The following SAMD12 variants were observed in gnomAD, a reference collection of about 807,000 sequenced individuals.
SAMD12 encodes sterile alpha motif domain containing 12.
Under a neutral mutation model 15.0 loss-of-function variants are expected in SAMD12, and 9 were observed. The ratio of observed to expected loss-of-function variants is 0.60; its 90% CI spans 0.36 to 1.05. The LOEUF is 1.05. SAMD12 is among the 50% of genes least tolerant of loss of function. The pLI is 0.01. For synonymous variants in SAMD12, 86 were observed against 90.1 expected, an observed-to-expected ratio of 0.96 and a Z score of 0.25; for missense variants, 230 against 234.2, an observed-to-expected ratio of 0.98 and a Z score of 0.12.
At chr8:118,371,831 T>C (rs1477794463) in intron 4 of SAMD12, among the ~76,000 whole-genome samples, 1 of 151,906 alleles carries the variant, frequency 6.6e-6, no homozygotes, top group Non-Finnish European at 1.5e-5. Flanking sequence ...TGCCAACAAC[T>C]AAGAGGACCT....
At chr8:118,490,761 C>T (rs895215993) in intron 2 of SAMD12, among the ~76,000 whole-genome samples, 1 of 152,086 alleles carries the variant, frequency 6.6e-6, no homozygotes, top group African/African-American at 2.4e-5. Context: ...GGGCATACAC[C>T]AGTTTTCTCC....
chr8:118,369,997 A>T (rs555714452), intron 4 of SAMD12, among the ~76,000 whole-genome samples: 14 of 152,266 alleles, frequency 9.2e-5, no homozygotes, highest in African/African-American at 3.1e-4. Context: ...AATGGGAGAA[A>T]TTTTTTCCGA....
At chr8:118,180,634 G>A in the SAMD12 span, among the ~76,000 whole-genome samples, 9 of 152,062 alleles carry the variant, frequency 5.9e-5, 1 homozygote, top group Non-Finnish European at 7.4e-5. Flanking sequence ...GTGCAGTGGT[G>A]TGATGCTGGC....
At chr8:118,446,177 C>A (rs963601386) in intron 2 of SAMD12, among the ~76,000 whole-genome samples, 2 of 150,402 alleles carry the variant, frequency 1.3e-5, no homozygotes, top group Admixed American at 6.6e-5. Context: ...AATTTGAGAA[C>A]CACTGTTTAA....
chr8:118,221,853 A>G (rs1812089057), intron 4 of SAMD12, among the ~76,000 whole-genome samples: 1 of 152,214 alleles, frequency 6.6e-6, no homozygotes, highest in Non-Finnish European at 1.5e-5. Flanking sequence ...TTTGATTAAT[A>G]CTTAATTGAG....
At chr8:118,284,804 T>C (rs1456440744) in intron 4 of SAMD12, 3 of 156,504 alleles carry the variant, frequency 1.9e-5, no homozygotes, top group Admixed American at 1.3e-4. Context: ...TAGCCAGGCG[T>C]GGTGGCGGGC....
chr8:118,532,007 G>A (rs555841689), intron 2 of SAMD12, among the ~76,000 whole-genome samples: 116 of 152,214 alleles, frequency 7.6e-4, no homozygotes, highest in African/African-American at 2.6e-3. Flanking sequence ...TCTTGCGCCC[G>A]TTTTCAAAGG....
downstream of SAMD12, among the ~76,000 whole-genome samples, chr8:118,185,888 C>G (rs1471902119): frequency 6.6e-6 from 1 of 152,160 alleles, no homozygotes; most frequent in Non-Finnish European, 1.5e-5. Flanking sequence ...CCATCTCCCT[C>G]TCAGGGGGTC....
chr8:118,420,150 A>ATGGG (rs1213033299), intron 3 of SAMD12, among the ~76,000 whole-genome samples: 2 of 152,322 alleles, frequency 1.3e-5, no homozygotes, highest in African/African-American at 4.8e-5. Context: ...GGCCACAATC[A>ATGGG]TGGGAAAAGT....
intron 4 of SAMD12, among the ~76,000 whole-genome samples, chr8:118,227,773 C>T (rs1380749225): frequency 6.6e-6 from 1 of 152,142 alleles, no homozygotes; most frequent in South Asian, 2.1e-4. Context: ...AGATCTCAAC[C>T]TTAAGAGAAA....
chr8:118,293,702 C>G (rs939469759), intron 4 of SAMD12, among the ~76,000 whole-genome samples: 2 of 152,194 alleles, frequency 1.3e-5, no homozygotes, highest in East Asian at 1.9e-4. Flanking sequence ...GCCAATACCC[C>G]CAATGTACAG....
At chr8:118,300,712 A>G (rs925166278) in intron 4 of SAMD12, among the ~76,000 whole-genome samples, 2 of 152,212 alleles carry the variant, frequency 1.3e-5, no homozygotes, top group Admixed American at 1.3e-4. Context: ...TCCAATGTAC[A>G]TTAGAGTTAA....
chr8:118,140,118 T>G, the SAMD12 span, among the ~76,000 whole-genome samples: 1 of 152,088 alleles, frequency 6.6e-6, no homozygotes, highest in Non-Finnish European at 1.5e-5. Flanking sequence ...TTCAAAAAAC[T>G]TTGACACCTT....
chr8:118,459,882 T>A (rs528098892), intron 2 of SAMD12, among the ~76,000 whole-genome samples: 160 of 152,302 alleles, frequency 1.1e-3, no homozygotes, highest in Middle Eastern at 6.8e-3. Context: ...ATGACTTACA[T>A]TCTAACACAA....
At chr8:118,375,534 C>G (rs1239428932), downstream of SAMD12, among the ~76,000 whole-genome samples, 1 of 152,092 alleles carries the variant, frequency 6.6e-6, no homozygotes, top group Non-Finnish European at 1.5e-5. Flanking sequence ...TTACTGATAG[C>G]CAACAATATT....
rs7000978 is a variant in SAMD12 at position 118,483,530 on chromosome 8, C to T, written c.193-43569G>A. On this transcript the variant is annotated intron_variant, in intron 2 of 3. Transcript: ENST00000314727. ...GGTTGCCATCTAGTGAATTTCATTA[C>T]GACATTTTATTTAGTAGTAAGTAGT... Among the ~76,000 whole-genome samples, 783 of 152,076 alleles carry T rather than the reference C, an allele frequency of 5.1e-3. 10 individuals carry two copies. The highest frequency in any genetic ancestry group is 0.018 in the African/African-American group (739 of 41,442).
the SAMD12 span, among the ~76,000 whole-genome samples, chr8:118,166,443 A>G: frequency 6.6e-6 from 1 of 152,226 alleles, no homozygotes; most frequent in South Asian, 2.1e-4. Context: ...AGCAACTAAA[A>G]TCTTAAAGCA....
Position 118,517,732 on chromosome 8 carries a change from A to G in SAMD12, c.192+62983T>C, listed in dbSNP as rs1381864762. 2.6e-5 allele frequency among the ~76,000 whole-genome samples: 4 copies of G among 152,188 alleles called. No individual in the cohort carries two copies. In the East Asian group the frequency reaches 7.7e-4, roughly 29 times the overall value. On this transcript the variant is annotated intron_variant, in intron 2 of 3. Transcript: ENST00000314727. Reference sequence around the variant, plus strand: ...GACCTGGAGAGGTGGAGATTATTACAAGATCGACCAGCATTTTTTGGTAAT... The same window carrying G: ...GACCTGGAGAGGTGGAGATTATTACGAGATCGACCAGCATTTTTTGGTAAT...
intron 2 of SAMD12, among the ~76,000 whole-genome samples, chr8:118,440,190 A>G (rs1161007475): frequency 6.6e-6 from 1 of 152,216 alleles, no homozygotes; most frequent in Non-Finnish European, 1.5e-5. Context: ...CTGCTAAGAA[A>G]AAATCCCAAG....
Sources: gnomAD v4.1 joint callset for allele counts (sites outside exome capture counted in the v4.1 genomes callset) on GRCh38, gnomAD v4.1.1 for gene constraint, MANE v1.5 for transcripts, NCBI Gene and HGNC (gene_info 2026-07-23, HGNC 2026-07-21) for gene names.